EYS: variants seen among roughly 807,000 people sequenced by gnomAD.
EYS encodes EGF-like photoreceptor maintenance factor, also known as protein eyes shut homolog.
In EYS, 250 loss-of-function variants were observed where a neutral mutation model predicts 282.1. The ratio of observed to expected loss-of-function variants is 0.89; its 90% CI spans 0.80 to 0.98. The LOEUF is 0.98. EYS is among the 50% of genes least tolerant of loss of function. The probability of loss-of-function intolerance (pLI) is 0.00; values close to 1 mark genes in which losing one functional copy is unlikely to be tolerated. For synonymous variants in EYS, 1,355 were observed against 1,282.9 expected (o/e 1.06, Z -1.20); for missense variants, 4,016 against 3,709.0 (o/e 1.08, Z -2.15).
chr6:64,865,449 A>G (rs1766398399), intron 19 of EYS, among the ~76,000 whole-genome samples: 1 of 152,154 alleles, frequency 6.6e-6, no homozygotes, highest in South Asian at 2.1e-4. Flanking sequence ...TAGAGGAGAA[A>G]AAACGAAGTG....
At chr6:64,562,629 A>C (rs73764808) in intron 26 of EYS, among the ~76,000 whole-genome samples, 4,612 of 151,990 alleles carry the variant, frequency 0.03, 154 homozygotes, top group East Asian at 0.11. Context: ...AATTTATTAG[A>C]GAGAGAAAGA....
chr6:65,522,572 G>T (rs534424396), intron 2 of EYS, among the ~76,000 whole-genome samples: 1 of 152,192 alleles, frequency 6.6e-6, no homozygotes, highest in South Asian at 2.1e-4. Context: ...CTTAAGTTTT[G>T]AAATATGTAT....
At chr6:65,319,154 T>C (rs1769397888) in intron 11 of EYS, among the ~76,000 whole-genome samples, 2 of 132,800 alleles carry the variant, frequency 1.5e-5, no homozygotes, top group African/African-American at 5.9e-5. Flanking sequence ...AGGTCAGGAG[T>C]TCGAGACCAA....
chr6:65,488,955 A>T (rs1765917397), intron 5 of EYS, among the ~76,000 whole-genome samples: 1 of 152,112 alleles, frequency 6.6e-6, no homozygotes, highest in Non-Finnish European at 1.5e-5. Context: ...CCCCTTCCTT[A>T]CTCCTTATAC....
At chr6:64,110,164 A>G (rs964540972) in intron 31 of EYS, among the ~76,000 whole-genome samples, 3 of 151,276 alleles carry the variant, frequency 2.0e-5, no homozygotes, top group African/African-American at 4.9e-5. Context: ...CATAGAATCT[A>G]AAGAATCTTT....
intron 22 of EYS, among the ~76,000 whole-genome samples, chr6:64,686,839 GTGTATA>G (rs1770146505): frequency 6.6e-5 from 1 of 15,196 alleles, no homozygotes; most frequent in African/African-American, 2.1e-4. Flanking sequence ...ATATATATAC[GTGTATA>G]TATATATATG....
rs75751374 is a variant in EYS, at chr6:64,730,377, C to T, written c.3443+83001G>A. Among the ~76,000 whole-genome samples, 10 of 152,328 alleles carry T rather than the reference C, an allele frequency of 6.6e-5. No homozygotes were observed. In the East Asian group the frequency reaches 1.9e-3, roughly 29 times the overall value. On this transcript the variant is annotated intron_variant, in intron 22 of 42. Coordinates refer to ENST00000503581, the MANE Select transcript of EYS (RefSeq NM_001142800.2). ...TATGTTGAAATGACAAGATAGATAG[C>T]AAACAAAGGCACTTGTGCTAGATGA... is the stretch of plus-strand genomic sequence containing the variant.
chr6:64,346,411 A>G (rs1419813154), intron 29 of EYS, among the ~76,000 whole-genome samples: 2 of 152,010 alleles, frequency 1.3e-5, no homozygotes, highest in South Asian at 2.1e-4. Context: ...AGGGACATGG[A>G]TGAAGCTGGA....
intron 8 of EYS, among the ~76,000 whole-genome samples, chr6:65,359,125 A>G (rs896777889): frequency 6.6e-6 from 1 of 152,076 alleles, no homozygotes; most frequent in African/African-American, 2.4e-5. Context: ...GTAAGCAAAC[A>G]GTGAAATTAA....
chr6:65,143,242 A>T (rs1381494617), intron 12 of EYS, among the ~76,000 whole-genome samples: 1 of 148,848 alleles, frequency 6.7e-6, no homozygotes, highest in Non-Finnish European at 1.5e-5. Context: ...ATTCCTTAAA[A>T]GCATTATACA....
chr6:64,208,797 C>T (rs1257832585), intron 31 of EYS, among the ~76,000 whole-genome samples: 1 of 152,012 alleles, frequency 6.6e-6, no homozygotes, highest in Non-Finnish European at 1.5e-5. Context: ...AAAGCAAGGA[C>T]AGTAGAAGTA....
intron 5 of EYS, among the ~76,000 whole-genome samples, chr6:65,483,155 A>G (rs1765665076): frequency 6.6e-6 from 1 of 152,094 alleles, no homozygotes; most frequent in Admixed American, 6.6e-5. Flanking sequence ...TCTTAATTTT[A>G]CTTTTATAAT....
At chr6:65,359,347 T>C (rs1473331527) in intron 8 of EYS, among the ~76,000 whole-genome samples, 3 of 152,068 alleles carry the variant, frequency 2.0e-5, no homozygotes, top group Non-Finnish European at 1.5e-5. Flanking sequence ...ATTTGTCATT[T>C]CATGTGCCAA....
intron 35 of EYS, among the ~76,000 whole-genome samples, chr6:63,870,617 A>G (rs1461003576): frequency 6.6e-6 from 1 of 152,178 alleles, no homozygotes; most frequent in Non-Finnish European, 1.5e-5. Context: ...AAAAAGCAAG[A>G]AATTTAGAGG....
Position 64,050,416 on chromosome 6 carries a change from C to T in EYS, c.6725+15922G>A, listed in dbSNP as rs190174394. Among the ~76,000 whole-genome samples, 4 of 152,278 alleles carry T rather than the reference C, an allele frequency of 2.6e-5. 1 individual carries two copies. The highest frequency in any genetic ancestry group is 1.3e-4 in the Admixed American group (2 of 15,294). ...AATGTCAGAAACACATTTTTCCCTT[C>T]TCCTCTTAACTAGAGGGTCTTATAG... is the stretch of plus-strand genomic sequence containing the variant. On this transcript the variant is annotated intron_variant, in intron 33 of 42. Coordinates refer to ENST00000503581, the MANE Select transcript of EYS (RefSeq NM_001142800.2).
rs1361561436 is a variant in EYS, at chr6:64,139,173, T to C, written c.6425-57171A>G. Among the ~76,000 whole-genome samples the C allele has an allele frequency of 5.9e-5, 9 of 152,164 alleles. No individual in the cohort carries two copies. The South Asian group carries it at 1.7e-3, about 28-fold the overall frequency. ...ATACTATAAGAAAATGTATGGAAAATCAAGGAGAGATGAATAAAAAGTCTT... is the reference window on the plus strand; with the variant it reads ...ATACTATAAGAAAATGTATGGAAAACCAAGGAGAGATGAATAAAAAGTCTT... On this transcript the variant is annotated intron_variant, in intron 31 of 42. Transcript: ENST00000503581.
rs191331698 is a variant in EYS at position 64,139,293 on chromosome 6, T to C, written c.6425-57291A>G. Among the ~76,000 whole-genome samples, 18 of 152,172 alleles carry C rather than the reference T, an allele frequency of 1.2e-4. No individual in the cohort carries two copies. The East Asian group carries it at 2.5e-3, about 21-fold the overall frequency. ...CAAAGAAACTTTGGCAACTGGGAAG[T>C]GGTCATAGGGAGTGTATCCTGAACT... On this transcript the variant is annotated intron_variant, in intron 31 of 42. Coordinates refer to ENST00000503581, the MANE Select transcript of EYS (RefSeq NM_001142800.2).
At chr6:63,963,477 G>T (rs2149777467) in intron 35 of EYS, among the ~76,000 whole-genome samples, 1 of 152,296 alleles carries the variant, frequency 6.6e-6, no homozygotes, top group African/African-American at 2.4e-5. Context: ...CATGTGCCAA[G>T]AAAAGTTGGT....
At chr6:64,029,517 T>G (rs114323902) in intron 33 of EYS, among the ~76,000 whole-genome samples, 5,688 of 152,246 alleles carry the variant, frequency 0.037, 347 homozygotes, top group African/African-American at 0.13. Flanking sequence ...GTTTCAAAAA[T>G]GCACGTGTGT....
Sources: allele counts gnomAD v4.1 joint callset (sites outside exome capture counted in the v4.1 genomes callset), GRCh38; gene constraint gnomAD v4.1.1; transcripts MANE v1.5; gene names NCBI Gene and HGNC (gene_info 2026-07-23, HGNC 2026-07-21).